Variants in CELSR1 observed in about 807,000 individuals in gnomAD.
CELSR1 encodes adhesion G protein-coupled receptor C1.
CELSR1 carries 110 observed loss-of-function variants against 249.1 expected under a neutral mutation model. The observed-to-expected ratio is 0.44, with a 90% CI of 0.38 to 0.52. CELSR1 has a LOEUF of 0.52. CELSR1 is among the 20% of genes least tolerant of loss of function. The pLI, the probability that CELSR1 is intolerant of heterozygous loss-of-function variation, is 0.00. For missense variants in CELSR1, 4,109 were observed against 4,296.4 expected, an observed-to-expected ratio of 0.96 and a Z score of 1.22; for synonymous variants, 2,113 against 1,900.0, an observed-to-expected ratio of 1.11 and a Z score of -2.92.
In CELSR1 at chr22:46,464,322, A is replaced by G. The variant is rs1404941235; in HGVS notation, c.3568T>C (p.Phe1190Leu). Reference protein sequence around the residue: ...VSDGIHSVTAFCTLRVTIITD... With the variant: ...VSDGIHSVTALCTLRVTIITD... ...ATGATGGTGACACGCAGGGTGCAGAAGGCCGTGACGCTGTGGATGCCATCT... is the reference window on the plus strand; with the variant it reads ...ATGATGGTGACACGCAGGGTGCAGAGGGCCGTGACGCTGTGGATGCCATCT... The change falls in exon 2 of 35, where the codon TTC becomes CTC. Residue 1190 changes from phenylalanine to leucine, a missense_variant. By Grantham distance (22) the Phe-to-Leu change is conservative. This residue lies in a region of CELSR1 where 886 missense variants were observed against 896.5 expected (regional missense o/e 0.99). Transcript: ENST00000674500. The surrounding 1 kb of genome is among the most constrained non-coding windows in gnomAD (Gnocchi z 8.5). 1.9e-6 allele frequency: 3 copies of G among 1,611,790 alleles called. No individual in the cohort carries two copies. The highest frequency in any genetic ancestry group is 1.7e-5 in the Admixed American group (1 of 59,976).
At chr22:46,483,727 G>A (rs1009045585) in intron 1 of CELSR1, among the ~76,000 whole-genome samples, 4 of 152,122 alleles carry the variant, frequency 2.6e-5, no homozygotes, top group African/African-American at 9.7e-5. Context: ...GGCCCAGAAA[G>A]GCTCAGGAAC....
At chr22:46,509,926 C>T (rs532430280) in intron 1 of CELSR1, among the ~76,000 whole-genome samples, 2 of 152,340 alleles carry the variant, frequency 1.3e-5, no homozygotes, top group Admixed American at 6.5e-5. Context: ...CGAAGTGCCC[C>T]GCTGCCCGGC....
Position 46,364,483 on chromosome 22 carries a change from T to C in CELSR1, c.8779+29A>G, listed in dbSNP as rs764601383. The C allele has an allele frequency of 6.3e-6, 10 of 1,591,510 alleles. No homozygotes were observed. In the African/African-American group the frequency reaches 1.3e-4, roughly 21 times the overall value. ...CTGGCCCTTCTGGGTCCTCCAGCCT[T>C]TCACTGCAGCCCCGGCCTCCCCAGG... On this transcript the variant is annotated intron_variant, in intron 33 of 34. Transcript: ENST00000674500.
chr22:46,365,533 A>G (rs1285858640), intron 31 of CELSR1, 53 bp downstream of exon 31: 5 of 1,546,178 alleles, frequency 3.2e-6, no homozygotes, highest in Non-Finnish European at 4.4e-6. Context: ...CAGTGACCGA[A>G]GGGACGTGGG....
rs201355911 is a variant in CELSR1 at position 46,384,623 on chromosome 22, G to C, written c.6803C>G (p.Thr2268Ser). Residue 2268 changes from threonine to serine, a missense_variant, in exon 20 of 35, where the codon ACC becomes AGC. Coordinates refer to ENST00000674500, the MANE Select transcript of CELSR1 (RefSeq NM_001378328.1). Reference sequence around the variant, plus strand: ...CTCCCTGGGGAACTCTTCATGGATGGTGTCGAATCGCGGGACCCTGGCTCC... The same window carrying C: ...CTCCCTGGGGAACTCTTCATGGATGCTGTCGAATCGCGGGACCCTGGCTCC... Reference protein sequence around the residue: ...FTGARVPRFDTIHEEFPRELE... With the variant: ...FTGARVPRFDSIHEEFPRELE... 48 of 1,613,830 alleles carry C rather than the reference G, an allele frequency of 3.0e-5. No homozygotes were observed. In the Middle Eastern group the frequency reaches 4.9e-4, roughly 17 times the overall value.
In CELSR1 at chr22:46,447,407, T is replaced by A. The variant is rs996413188; in HGVS notation, c.4184-7996A>T. Among the ~76,000 whole-genome samples the A allele has an allele frequency of 6.6e-6, 1 of 152,164 alleles. No individual in the cohort carries two copies. Among genetic ancestry groups the A allele is most frequent in the East Asian group, 1.9e-4 (1 of 5,190 alleles). On this transcript the variant is annotated intron_variant, in intron 2 of 34. Coordinates refer to ENST00000674500, the MANE Select transcript of CELSR1 (RefSeq NM_001378328.1). This position sits in a 1 kb window ranked among gnomAD's most constrained non-coding sequence, Gnocchi z 4.7. ...TAAATTTGATGTTCTCCTTACACCC[T>A]AGGATTCTGCTTGGAGTCAAAGGCT...
At chr22:46,404,509 G>A (rs190577579) in intron 9 of CELSR1, among the ~76,000 whole-genome samples, 195 of 152,258 alleles carry the variant, frequency 1.3e-3, no homozygotes, top group African/African-American at 4.5e-3. Context: ...ATAAATTCAT[G>A]AGAGAAAACA....
At chr22:46,503,721 G>A (rs1055865690) in intron 1 of CELSR1, among the ~76,000 whole-genome samples, 1 of 152,164 alleles carries the variant, frequency 6.6e-6, no homozygotes, top group East Asian at 1.9e-4. Flanking sequence ...TGAACAAGAC[G>A]GAGATCCCAC....
chr22:46,457,142 C>G (rs1259990429), intron 2 of CELSR1, among the ~76,000 whole-genome samples: 1 of 152,140 alleles, frequency 6.6e-6, no homozygotes, highest in Non-Finnish European at 1.5e-5. Context: ...GTCAGGAGTT[C>G]GAGAACAGCT....
intron 2 of CELSR1, among the ~76,000 whole-genome samples, chr22:46,457,033 A>C (rs4823548): frequency 0.56 from 85,168 of 151,996 alleles, 25,205 homozygotes; most frequent in South Asian, 0.69. Context: ...AACCAAGCTA[A>C]GGCCCCAGCT....
chr22:46,366,434 A>G lies in CELSR1; in HGVS notation c.8252T>C (p.Leu2751Pro), dbSNP rs770223437. The G allele has an allele frequency of 1.2e-5, 19 of 1,550,318 alleles. No individual in the cohort carries two copies. The East Asian group carries it at 3.4e-4, about 28-fold the overall frequency. The change falls in exon 30 of 35, where the codon CTG (leucine) becomes CCG (proline). Residue 2751 changes from leucine (L) to proline (P), a missense_variant. Coordinates refer to ENST00000674500, the MANE Select transcript of CELSR1 (RefSeq NM_001378328.1). ...GGTGGACTCGCCCAAGTCTGTGCGCAGCATGTCAGGCCCGTCACCGAAGGT... is the reference window on the plus strand; with the variant it reads ...GGTGGACTCGCCCAAGTCTGTGCGCGGCATGTCAGGCCCGTCACCGAAGGT... The part of the protein sequence containing the change: ...NTTFGDGPDM[L>P]RTDLGESTAS...
intron 31 of CELSR1, 97 bp downstream of exon 31, chr22:46,365,489 G>A (rs1054069681): frequency 1.9e-5 from 29 of 1,543,504 alleles, no homozygotes; most frequent in African/African-American, 1.2e-4. Context: ...TGAGCATGGC[G>A]AGGCTGCTAG....
intron 1 of CELSR1, among the ~76,000 whole-genome samples, chr22:46,522,102 T>A (rs914772912): frequency 1.3e-5 from 2 of 152,196 alleles, no homozygotes; most frequent in African/African-American, 4.8e-5. Flanking sequence ...GTCAGTCAAC[T>A]CACTGGCAAA....
rs2079573124 is a variant in CELSR1, at chr22:46,429,720, G to A, written c.4611+3673C>T. On this transcript the variant is annotated intron_variant, in intron 5 of 34. Transcript: ENST00000674500. The surrounding 1 kb of genome is among the most constrained non-coding windows in gnomAD (Gnocchi z 4.1). ...CGGGAGGATAGAGTGAGGGAGGGGA[G>A]GGGTGTCAGGAGGGTCCCTGGTTAG... Among the ~76,000 whole-genome samples the A allele has an allele frequency of 6.6e-6, 1 of 152,212 alleles. No homozygotes were observed. The highest frequency in any genetic ancestry group is 2.4e-5 in the African/African-American group (1 of 41,456).
intron 24 of CELSR1, among the ~76,000 whole-genome samples, chr22:46,376,313 G>A (rs1006202582): frequency 2.0e-5 from 3 of 152,312 alleles, no homozygotes; most frequent in South Asian, 2.1e-4. Flanking sequence ...CCTGGCCGTG[G>A]TTTTTATACT....
intron 5 of CELSR1, among the ~76,000 whole-genome samples, chr22:46,414,691 A>G (rs533719802): frequency 6.6e-6 from 1 of 152,360 alleles, no homozygotes; most frequent in East Asian, 1.9e-4. Flanking sequence ...GTGCATGGAC[A>G]CGGTGCTGTG....
intron 1 of CELSR1, among the ~76,000 whole-genome samples, chr22:46,491,262 CTTTTT>C (rs58492957): frequency 1.7e-5 from 2 of 118,552 alleles, no homozygotes; most frequent in African/African-American, 3.3e-5. Flanking sequence ...CAGAAAGTCA[CTTTTT>C]TTTTTTTTTT....
intron 5 of CELSR1, among the ~76,000 whole-genome samples, chr22:46,424,684 T>C (rs918827228): frequency 6.6e-6 from 1 of 152,150 alleles, no homozygotes; most frequent in African/African-American, 2.4e-5. Context: ...ATTAAGAATG[T>C]CATAAATGCC....
chr22:46,437,909 C>T lies in CELSR1; in HGVS notation c.4406+1280G>A, dbSNP rs1308584020. Among the ~76,000 whole-genome samples the T allele has an allele frequency of 2.6e-5, 4 of 152,184 alleles. No individual in the cohort carries two copies. Among genetic ancestry groups the T allele is most frequent in the Non-Finnish European group, 4.4e-5 (3 of 68,048 alleles). ...CAGGGAGAAGGGATCTTAATGACGA[C>T]GGGACCAACTCAGTGCAGGCTTGTT... On this transcript the variant is annotated intron_variant, in intron 3 of 34. Transcript: ENST00000674500. This position sits in a 1 kb window ranked among gnomAD's most constrained non-coding sequence, Gnocchi z 4.9.
Sources: allele counts gnomAD v4.1 joint callset (sites outside exome capture counted in the v4.1 genomes callset), GRCh38; gene constraint gnomAD v4.1.1; regional missense constraint gnomAD v4.1.1; non-coding constraint Gnocchi (gnomAD v3.1); transcripts MANE v1.5; gene names NCBI Gene and HGNC (gene_info 2026-07-23, HGNC 2026-07-21).